ZC3H7B: variants seen among roughly 807,000 people sequenced by gnomAD.
ZC3H7B encodes the protein zinc finger CCCH-type containing 7B.
A neutral mutation model predicts 116.0 loss-of-function variants in ZC3H7B; 35 were observed. The ratio of observed to expected loss-of-function variants is 0.30; its 90% CI spans 0.23 to 0.40. The LOEUF (loss-of-function observed/expected upper bound fraction) is 0.40, where lower values mean the gene tolerates loss of function less well. Ranked by LOEUF, ZC3H7B falls within the 10% of genes least tolerant of loss-of-function variation. ZC3H7B has a pLI of 1.00. For missense variants in ZC3H7B, 1,011 were observed against 1,321.5 expected (o/e 0.77, Z 3.64); for synonymous variants, 502 against 545.6 (o/e 0.92, Z 1.11).
At chr22:41,324,686 A>G (rs1185475880) in intron 2 of ZC3H7B, among the ~76,000 whole-genome samples, 2 of 152,144 alleles carry the variant, frequency 1.3e-5, no homozygotes, top group Non-Finnish European at 2.9e-5. Flanking sequence ...TGAGTCCAGC[A>G]TGAGGGACTG....
chr22:41,343,901 G>A (rs1389966732), intron 13 of ZC3H7B, among the ~76,000 whole-genome samples: 3 of 152,164 alleles, frequency 2.0e-5, no homozygotes, highest in Non-Finnish European at 2.9e-5. Context: ...TACCACTGTA[G>A]GGCCCTGAGG....
At chr22:41,321,745 A>AGCAAC (rs2145910699) in intron 2 of ZC3H7B, among the ~76,000 whole-genome samples, 1 of 151,940 alleles carries the variant, frequency 6.6e-6, no homozygotes, top group African/African-American at 2.4e-5. Flanking sequence ...ACAGAGGTTA[A>AGCAAC]GCAACTTGTT....
At chr22:41,320,281 C>G (rs553478199) in intron 1 of ZC3H7B, among the ~76,000 whole-genome samples, 1 of 149,684 alleles carries the variant, frequency 6.7e-6, no homozygotes, top group East Asian at 2.0e-4. Flanking sequence ...TGCAGTGAGC[C>G]GAGATGGCGC....
chr22:41,331,992 A>G (rs1383995167), intron 6 of ZC3H7B, among the ~76,000 whole-genome samples, 179 bp from the exon 7 acceptor site: 1 of 152,056 alleles, frequency 6.6e-6, no homozygotes, highest in Non-Finnish European at 1.5e-5. Flanking sequence ...AGAAAACCCC[A>G]GAATCTGACC....
chr22:41,323,986 C>T (rs1318546466), intron 2 of ZC3H7B, among the ~76,000 whole-genome samples: 2 of 151,910 alleles, frequency 1.3e-5, no homozygotes, highest in African/African-American at 2.4e-5. Flanking sequence ...AGGAGAATGG[C>T]GTGAACCCGG....
At chr22:41,331,598 C>CAGTG (rs937610643) in intron 6 of ZC3H7B, among the ~76,000 whole-genome samples, 1 of 149,234 alleles carries the variant, frequency 6.7e-6, no homozygotes, top group Non-Finnish European at 1.5e-5. Flanking sequence ...GGGCCGGGTG[C>CAGTG]AGTGGTTCAT....
chr22:41,353,293 T>C (rs1252177870), intron 17 of ZC3H7B, among the ~76,000 whole-genome samples: 2 of 152,198 alleles, frequency 1.3e-5, no homozygotes, highest in Non-Finnish European at 2.9e-5. Context: ...AGGGGCACAC[T>C]GAGTGGGGCA....
chr22:41,322,618 G>A (rs932316322), intron 2 of ZC3H7B, among the ~76,000 whole-genome samples: 1 of 152,048 alleles, frequency 6.6e-6, no homozygotes, highest in African/African-American at 2.4e-5. Flanking sequence ...TGGGCATCGT[G>A]GCCTCTCACT....
In ZC3H7B at chr22:41,332,208, C is replaced by T. The variant is rs775459066; in HGVS notation, c.563C>T (p.Ala188Val). The T allele has an allele frequency of 1.6e-5, 26 of 1,614,162 alleles. No individual in the cohort carries two copies. The highest frequency in any genetic ancestry group is 2.2e-5 in the East Asian group (1 of 44,882). ...ETFSLLSNGTAAGVADQGTSN... is the reference protein window; with the variant it reads ...ETFSLLSNGTVAGVADQGTSN... ...TTTTCTCTGCTCAGTAACGGCACTG[C>T]GGCTGGCGTGGCAGATCAGGTAGGA... Residue 188 changes from alanine to valine, a missense_variant, in exon 7 of 23, where the codon GCG (alanine) becomes GTG (valine). By Grantham distance (64) the Ala-to-Val change is moderately conservative (BLOSUM62 0). Transcript: ENST00000352645.
At chr22:41,323,418 G>A (rs2036281446) in intron 2 of ZC3H7B, among the ~76,000 whole-genome samples, 1 of 152,238 alleles carries the variant, frequency 6.6e-6, no homozygotes, top group African/African-American at 2.4e-5. Context: ...CTCAGTCACT[G>A]ATGTCTGTAG....
At chr22:41,339,460 T>C (rs934111060) in intron 9 of ZC3H7B, among the ~76,000 whole-genome samples, 1 of 152,006 alleles carries the variant, frequency 6.6e-6, no homozygotes, top group East Asian at 1.9e-4. Context: ...ACCCCCTCTC[T>C]ACTAAAAATA....
At position 41,356,218 on chromosome 22, in the gene ZC3H7B, C is replaced by T; in HGVS notation, c.2384-125C>T. The T allele has an allele frequency of 9.2e-6, 14 of 1,529,272 alleles. No homozygotes were observed. The South Asian group carries it at 1.6e-4, about 18-fold the overall frequency. 94.7% of individuals were successfully genotyped at this position (1,529,272 alleles called of 1,614,324 possible). A position where few individuals can be genotyped will look rare whatever the true frequency, so the allele number is the denominator to read the frequency against. On this transcript the variant is annotated intron_variant, in intron 20 of 22. Coordinates refer to ENST00000352645, the MANE Select transcript of ZC3H7B (RefSeq NM_017590.6). The stretch of plus-strand genomic sequence containing the variant: ...TGCCGGGCCCTCTCTGAGGCCAGGC[C>T]CTGAGGCTGAGCGGCCTATCAGCAG...
intron 2 of ZC3H7B, among the ~76,000 whole-genome samples, chr22:41,321,862 C>T (rs1416837555): frequency 2.6e-5 from 2 of 77,116 alleles, no homozygotes; most frequent in African/African-American, 7.5e-5. Context: ...TTTTTTGAGA[C>T]GGAGTCTCGC....
chr22:41,321,524 A>T (rs1460652845), intron 2 of ZC3H7B, among the ~76,000 whole-genome samples: 2 of 149,876 alleles, frequency 1.3e-5, no homozygotes, highest in Admixed American at 6.7e-5. Flanking sequence ...CATTTAAAAA[A>T]TTTTTTTGTA....
intron 22 of ZC3H7B, 84 bp downstream of exon 22, chr22:41,356,892 C>T: frequency 6.3e-7 from 1 of 1,581,216 alleles, no homozygotes; most frequent in Non-Finnish European, 8.6e-7. Context: ...TCCTCTTGGC[C>T]TGGAGGTGGT....
intron 4 of ZC3H7B, among the ~76,000 whole-genome samples, chr22:41,326,685 A>AG (rs1412720253): frequency 6.6e-6 from 1 of 152,144 alleles, no homozygotes; most frequent in African/African-American, 2.4e-5. Flanking sequence ...CCACTGACTC[A>AG]GGTTCATGAG....
intron 15 of ZC3H7B, 116 bp downstream of exon 15, chr22:41,348,283 AG>A: frequency 1.1e-6 from 1 of 873,778 alleles, no homozygotes; most frequent in Non-Finnish European, 1.8e-6. Context: ...GTGCAAGGAA[AG>A]GGGCAGAATT....
At position 41,357,528 on chromosome 22, in the gene ZC3H7B, C is replaced by A; in HGVS notation, c.*99C>A. The A allele has an allele frequency of 1.1e-6, 1 of 884,526 alleles. No individual in the cohort carries two copies. Among genetic ancestry groups the A allele is most frequent in the Non-Finnish European group, 1.6e-6 (1 of 612,038 alleles). 54.8% of individuals were successfully genotyped at this position (884,526 alleles called of 1,614,324 possible). A position where few individuals can be genotyped will look rare whatever the true frequency, so the allele number is the denominator to read the frequency against. On this transcript the variant is annotated 3_prime_UTR_variant, in exon 23 of 23. Coordinates refer to ENST00000352645, the MANE Select transcript of ZC3H7B (RefSeq NM_017590.6). The surrounding 1 kb of genome is among the most constrained non-coding windows in gnomAD (Gnocchi z 5.4). ...CAGGGCAGGCCAGGGGGGTGGGGGG[C>A]CGCCCTCATCAGGCAGCCCCCAGCC...
rs1157532741 is a variant in ZC3H7B, at chr22:41,331,234, C to T, written c.526-937C>T. Among the ~76,000 whole-genome samples, 3 of 138,144 alleles carry T rather than the reference C, an allele frequency of 2.2e-5. No individual in the cohort carries two copies. In the East Asian group the frequency reaches 6.9e-4, roughly 32 times the overall value. 90.6% of individuals were successfully genotyped at this position (138,144 alleles called of 152,430 possible). A position where few individuals can be genotyped will look rare whatever the true frequency, so the allele number is the denominator to read the frequency against. On this transcript the variant is annotated intron_variant, in intron 6 of 22. Coordinates refer to ENST00000352645, the MANE Select transcript of ZC3H7B (RefSeq NM_017590.6). ...ATTGCACTCCAGCCTGGGCAACGAG[C>T]GAAACTCTGTCTCAAAAAAAATAAA...
Sources: allele counts gnomAD v4.1 joint callset (sites outside exome capture counted in the v4.1 genomes callset), GRCh38; gene constraint gnomAD v4.1.1; non-coding constraint Gnocchi (gnomAD v3.1); transcripts MANE v1.5; gene names NCBI Gene and HGNC (gene_info 2026-07-23, HGNC 2026-07-21).